Variants in FRAS1 observed in about 807,000 individuals in gnomAD.
The protein encoded by FRAS1 is Fraser extracellular matrix complex subunit 1.
FRAS1 carries 290 observed loss-of-function variants against 435.2 expected under a neutral mutation model. The ratio of observed to expected loss-of-function variants is 0.67; its 90% CI spans 0.61 to 0.73. FRAS1 has a LOEUF of 0.73. FRAS1 is among the 30% of genes least tolerant of loss of function. The pLI, the probability that FRAS1 is intolerant of heterozygous loss-of-function variation, is 0.00. For synonymous variants in FRAS1, 1,800 were observed against 1,851.0 expected (o/e 0.97, Z 0.71); for missense variants, 4,860 against 5,001.5 (o/e 0.97, Z 0.85).
intron 22 of FRAS1, among the ~76,000 whole-genome samples, chr4:78,368,602 C>A (rs986899037): frequency 2.6e-5 from 4 of 152,096 alleles, no homozygotes; most frequent in African/African-American, 9.7e-5. Flanking sequence ...ACAAAACAGA[C>A]CTGTTATTTG....
intron 64 of FRAS1, among the ~76,000 whole-genome samples, chr4:78,511,796 G>C (rs1053523389): frequency 6.6e-6 from 1 of 152,120 alleles, no homozygotes; most frequent in Non-Finnish European, 1.5e-5. Context: ...CTGCCATGCT[G>C]TTACCTCAAC....
intron 2 of FRAS1, among the ~76,000 whole-genome samples, chr4:78,067,831 C>A (rs1264598479): frequency 6.7e-6 from 1 of 149,446 alleles, no homozygotes. Context: ...GTAGATGGGA[C>A]TACAGCTGCA....
chr4:78,317,150 G>C (rs895975079), intron 16 of FRAS1, among the ~76,000 whole-genome samples: 7 of 152,192 alleles, frequency 4.6e-5, no homozygotes, highest in African/African-American at 1.7e-4. Flanking sequence ...ACTAAATAAA[G>C]GGTAGCTAAT....
chr4:78,283,341 T>A (rs1727421888), intron 12 of FRAS1, among the ~76,000 whole-genome samples: 1 of 152,344 alleles, frequency 6.6e-6, no homozygotes, highest in African/African-American at 2.4e-5. Flanking sequence ...CAACATTTGT[T>A]ATGGGTGTTC....
intron 14 of FRAS1, among the ~76,000 whole-genome samples, chr4:78,304,147 C>A (rs1453967644): frequency 6.7e-6 from 1 of 149,420 alleles, no homozygotes; most frequent in Non-Finnish European, 1.5e-5. Context: ...TGTTTATATG[C>A]TGGATTACAT....
chr4:78,273,157 C>G (rs143702541), intron 9 of FRAS1, among the ~76,000 whole-genome samples: 3,942 of 152,060 alleles, frequency 0.026, 75 homozygotes, highest in Admixed American at 0.06. Flanking sequence ...TTTTGCATAT[C>G]GATTTTGTAT....
intron 62 of FRAS1, 83 bp from the exon 63 acceptor site, chr4:78,508,648 T>C (rs969385735): frequency 2.9e-5 from 40 of 1,386,668 alleles, no homozygotes; most frequent in Non-Finnish European, 3.8e-5. Context: ...TAAGAGATCT[T>C]GTGGATCTCT....
chr4:78,160,049 A>T (rs1721073851), intron 2 of FRAS1, among the ~76,000 whole-genome samples: 1 of 152,164 alleles, frequency 6.6e-6, no homozygotes. Flanking sequence ...TACAAGTCAG[A>T]GTGGGTATCT....
At chr4:78,269,626 A>G (rs1323514583) in intron 9 of FRAS1, among the ~76,000 whole-genome samples, 1 of 152,220 alleles carries the variant, frequency 6.6e-6, no homozygotes, top group Non-Finnish European at 1.5e-5. Flanking sequence ...TGTTGTTGTT[A>G]AAAAAGAAGA....
At chr4:78,270,950 AT>A (rs1472202995) in intron 9 of FRAS1, among the ~76,000 whole-genome samples, 1 of 152,170 alleles carries the variant, frequency 6.6e-6, no homozygotes, top group Non-Finnish European at 1.5e-5. Context: ...TCATTTATGT[AT>A]TTTTGTGTTT....
chr4:78,091,683 G>T lies in FRAS1; in HGVS notation c.108+25667G>T, dbSNP rs573599233. On this transcript the variant is annotated intron_variant, in intron 2 of 73. Coordinates refer to ENST00000512123, the MANE Select transcript of FRAS1 (RefSeq NM_025074.7). The stretch of plus-strand genomic sequence containing the variant: ...TATTTTGGAGATGGAGTCTTGCTAG[G>T]TTGCCCAGGCTGGAGTGCTGTGGCT... Among the ~76,000 whole-genome samples, 6 of 151,472 alleles carry T rather than the reference G, an allele frequency of 4.0e-5. No homozygotes were observed. In the South Asian group the frequency reaches 1.0e-3, roughly 26 times the overall value.
intron 21 of FRAS1, 106 bp downstream of exon 21, chr4:78,363,771 G>A (rs2110296380): frequency 1.4e-6 from 2 of 1,437,212 alleles, no homozygotes; most frequent in Non-Finnish European, 1.9e-6. Flanking sequence ...GGCAGGAAGT[G>A]TAAACCACTT....
At chr4:78,500,180 G>A (rs1160105163) in intron 61 of FRAS1, among the ~76,000 whole-genome samples, 1 of 152,150 alleles carries the variant, frequency 6.6e-6, no homozygotes, top group Non-Finnish European at 1.5e-5. Flanking sequence ...GTTAGCCTAA[G>A]ATTTGGTTGA....
chr4:78,422,554 C>T (rs1184408185), intron 34 of FRAS1, among the ~76,000 whole-genome samples: 2 of 148,844 alleles, frequency 1.3e-5, no homozygotes, highest in Non-Finnish European at 3.0e-5. Context: ...AGAGCACTAG[C>T]TCCAGGTACA....
chr4:78,419,186 A>G, intron 33 of FRAS1, 123 bp downstream of exon 33: 1 of 565,192 alleles, frequency 1.8e-6, no homozygotes, highest in East Asian at 3.2e-5. Flanking sequence ...GTTTCAAGGA[A>G]TAATGATTAT....
chr4:78,113,598 A>G (rs959206319), intron 2 of FRAS1, among the ~76,000 whole-genome samples: 3 of 152,040 alleles, frequency 2.0e-5, no homozygotes, highest in Non-Finnish European at 4.4e-5. Context: ...GCATTTTTTC[A>G]TGTGTCTTTT....
Position 78,409,438 on chromosome 4 carries a change from C to T in FRAS1, c.4308+1597C>T, listed in dbSNP as rs138681203. 3.0e-3 allele frequency among the ~76,000 whole-genome samples: 457 copies of T among 151,966 alleles called. 1 individual carries two copies. Among genetic ancestry groups the T allele is most frequent in the African/African-American group, 9.4e-3 (390 of 41,456 alleles). On this transcript the variant is annotated intron_variant, in intron 31 of 73. Coordinates refer to ENST00000512123, the MANE Select transcript of FRAS1 (RefSeq NM_025074.7). ...TATTGAGCAAGAAAGCATTAAAATA[C>T]GTGGACAAAATATTTAACTCAAGAA...
intron 14 of FRAS1, among the ~76,000 whole-genome samples, chr4:78,297,087 T>C (rs2110201638): frequency 6.6e-6 from 1 of 152,350 alleles, no homozygotes; most frequent in South Asian, 2.1e-4. Flanking sequence ...CCTAGTCATT[T>C]GTGAGATGAG....
At chr4:78,122,087 C>A (rs1252398467) in intron 2 of FRAS1, among the ~76,000 whole-genome samples, 1 of 152,188 alleles carries the variant, frequency 6.6e-6, no homozygotes, top group Admixed American at 6.5e-5. Context: ...GTCAACCAGT[C>A]ACCTGCATTA....
Sources: gnomAD v4.1 joint callset for allele counts (sites outside exome capture counted in the v4.1 genomes callset) on GRCh38, gnomAD v4.1.1 for gene constraint, MANE v1.5 for transcripts, NCBI Gene and HGNC (gene_info 2026-07-23, HGNC 2026-07-21) for gene names.